GABRG1: variants seen among roughly 807,000 people sequenced by gnomAD.
The protein encoded by GABRG1 is gamma-aminobutyric acid type A receptor subunit gamma1.
A neutral mutation model predicts 49.8 loss-of-function variants in GABRG1; 49 were observed. The ratio of observed to expected loss-of-function variants is 0.98; its 90% CI spans 0.78 to 1.25. The LOEUF is 1.25. Among genes scored for constraint, GABRG1 ranks in the 50% most tolerant of loss-of-function variants. The probability of loss-of-function intolerance (pLI) is 0.00; values close to 1 mark genes in which losing one functional copy is unlikely to be tolerated. For missense variants in GABRG1, 552 were observed against 552.3 expected, an observed-to-expected ratio of 1.00 and a Z score of 0.01; for synonymous variants, 232 against 185.1, an observed-to-expected ratio of 1.25 and a Z score of -2.06.
intron 3 of GABRG1, among the ~76,000 whole-genome samples, chr4:46,079,882 C>A (rs1190660756): frequency 6.6e-6 from 1 of 151,732 alleles, no homozygotes; most frequent in African/African-American, 2.4e-5. Flanking sequence ...GAGGTTATAA[C>A]CATTTTGTCT....
intron 2 of GABRG1, among the ~76,000 whole-genome samples, chr4:46,093,889 A>G (rs1720086866): frequency 1.3e-5 from 2 of 151,980 alleles, no homozygotes; most frequent in Non-Finnish European, 2.9e-5. Flanking sequence ...GATTTTTAAC[A>G]CACCTCTCTC....
At chr4:46,092,700 T>A (rs1369127566) in intron 2 of GABRG1, among the ~76,000 whole-genome samples, 1 of 151,822 alleles carries the variant, frequency 6.6e-6, no homozygotes, top group Non-Finnish European at 1.5e-5. Flanking sequence ...TATACATATT[T>A]CCTAAAAAAA....
intron 1 of GABRG1, among the ~76,000 whole-genome samples, chr4:46,121,775 T>C (rs1721095083): frequency 6.6e-6 from 1 of 152,094 alleles, no homozygotes. Context: ...AACAACAGCT[T>C]ATAAATATAT....
intron 1 of GABRG1, among the ~76,000 whole-genome samples, chr4:46,122,026 G>T (rs931381493): frequency 6.6e-6 from 1 of 152,020 alleles, no homozygotes; most frequent in African/African-American, 2.4e-5. Context: ...AAACTCTTAA[G>T]AAATCATATG....
Position 46,105,791 on chromosome 4 carries a change from T to TAGATGATAGATA in GABRG1, c.105-8443_105-8442insTATCTATCATCT, listed in dbSNP as rs1553883516. On this transcript the variant is annotated intron_variant, in intron 1 of 8. Coordinates refer to ENST00000295452, the MANE Select transcript of GABRG1 (RefSeq NM_173536.4). ...ATAGATGGATGGATGGGTAGATAGA[T>TAGATGATAGATA]GATAGATAGATAGATAGATAGATAG... Among the ~76,000 whole-genome samples the TAGATGATAGATA allele has an allele frequency of 4.8e-3, 693 of 144,594 alleles. 8 individuals are homozygous for TAGATGATAGATA. The highest frequency in any genetic ancestry group is 0.015 in the African/African-American group (606 of 39,158). The allele number at this position is 144,594 out of a possible 152,430, so 94.9% of individuals were successfully genotyped here. A position where few individuals can be genotyped will look rare whatever the true frequency, so the allele number is the denominator to read the frequency against.
In GABRG1 at chr4:46,058,568, AC is replaced by A; in HGVS notation, c.679del (p.Val227TrpfsTer15). ...TAATCTCCAGTATTTAGGATCAGCC[AC>A]TTCTACGGAGGGCTTTTTCCACTTA... The part of the protein sequence containing the change: ...EYKWKKPSVE[V>X]ADPKYWRLYQ... On this transcript the variant is annotated frameshift_variant, in exon 6 of 9. Transcript: ENST00000295452. LOFTEE classifies it high-confidence loss of function. The A allele has an allele frequency of 6.2e-7, 1 of 1,612,922 alleles. No homozygotes were observed. The highest frequency in any genetic ancestry group is 8.5e-7 in the Non-Finnish European group (1 of 1,179,262).
At chr4:46,062,104 T>C (rs1390034144) in intron 5 of GABRG1, among the ~76,000 whole-genome samples, 1 of 142,342 alleles carries the variant, frequency 7.0e-6, no homozygotes, top group Non-Finnish European at 1.5e-5. Flanking sequence ...TCAATTCCCA[T>C]CTATGAGTGA....
intron 5 of GABRG1, among the ~76,000 whole-genome samples, chr4:46,061,105 A>G (rs929590164): frequency 1.3e-5 from 2 of 152,196 alleles, no homozygotes; most frequent in Non-Finnish European, 2.9e-5. Flanking sequence ...CCAGAGAGCT[A>G]TCACACCAAA....
chr4:46,123,759 G>T (rs1721168046), intron 1 of GABRG1, 51 bp downstream of exon 1: 1 of 1,309,228 alleles, frequency 7.6e-7, no homozygotes, highest in Non-Finnish European at 1.1e-6. Context: ...GGGGAATAAG[G>T]GGAAAGGGGT....
chr4:46,053,498 T>C (rs964439303), intron 7 of GABRG1, among the ~76,000 whole-genome samples: 1 of 151,972 alleles, frequency 6.6e-6, no homozygotes, highest in Non-Finnish European at 1.5e-5. Flanking sequence ...TGAAACTAAA[T>C]GTACATTTTT....
At chr4:46,050,441 A>G (rs537818681) in intron 8 of GABRG1, among the ~76,000 whole-genome samples, 1 of 151,920 alleles carries the variant, frequency 6.6e-6, no homozygotes, top group Non-Finnish European at 1.5e-5. Flanking sequence ...GAACTTAAAA[A>G]GTTAGATAAT....
intron 3 of GABRG1, among the ~76,000 whole-genome samples, chr4:46,065,813 C>A (rs1213536628): frequency 6.6e-6 from 1 of 152,134 alleles, no homozygotes; most frequent in Admixed American, 6.5e-5. Context: ...AGCTCCGCCT[C>A]CCGGGTTCAC....
At chr4:46,089,798 A>G (rs374918034) in intron 2 of GABRG1, among the ~76,000 whole-genome samples, 2 of 151,942 alleles carry the variant, frequency 1.3e-5, no homozygotes, top group African/African-American at 2.4e-5. Context: ...CCCCGTCTCT[A>G]CAAAAAATAC....
intron 1 of GABRG1, among the ~76,000 whole-genome samples, chr4:46,101,450 T>C (rs1245395502): frequency 6.6e-6 from 1 of 150,896 alleles, no homozygotes; most frequent in Non-Finnish European, 1.5e-5. Context: ...AGCCCTTGAC[T>C]CCAGAGAAGG....
intron 1 of GABRG1, among the ~76,000 whole-genome samples, chr4:46,107,263 T>C (rs1720581485): frequency 6.6e-6 from 1 of 151,198 alleles, no homozygotes; most frequent in African/African-American, 2.4e-5. Flanking sequence ...TAGAAACTCA[T>C]TATAGTTTGC....
At chr4:46,100,323 G>C (rs77066912) in intron 1 of GABRG1, among the ~76,000 whole-genome samples, 2 of 151,532 alleles carry the variant, frequency 1.3e-5, no homozygotes, top group Non-Finnish European at 2.9e-5. Flanking sequence ...GCATATCAGA[G>C]TGGGGAGGGT....
chr4:46,072,017 C>G (rs143496179), intron 3 of GABRG1, among the ~76,000 whole-genome samples: 36 of 152,174 alleles, frequency 2.4e-4, no homozygotes, highest in African/African-American at 8.4e-4. Context: ...AGAGCAACTT[C>G]CCTGTCTGCA....
chr4:46,110,925 T>G (rs1418188662), intron 1 of GABRG1, among the ~76,000 whole-genome samples: 1 of 151,162 alleles, frequency 6.6e-6, no homozygotes, highest in Non-Finnish European at 1.5e-5. Flanking sequence ...AGCACCACCC[T>G]TGATAACTGA....
intron 1 of GABRG1, among the ~76,000 whole-genome samples, chr4:46,117,665 T>TAC (rs1720949039): frequency 6.9e-6 from 1 of 144,886 alleles, no homozygotes; most frequent in African/African-American, 2.5e-5. Context: ...TATATACGTA[T>TAC]ATAGCTGTAT....
Sources: gnomAD v4.1 joint callset for allele counts (sites outside exome capture counted in the v4.1 genomes callset) on GRCh38, gnomAD v4.1.1 for gene constraint, MANE v1.5 for transcripts, NCBI Gene and HGNC (gene_info 2026-07-23, HGNC 2026-07-21) for gene names.